Variants in SLC1A6 observed in about 807,000 individuals in gnomAD.
The protein encoded by SLC1A6 is solute carrier family 1 member 6.
In SLC1A6, 15 loss-of-function variants were observed where a neutral mutation model predicts 42.1. The ratio of observed to expected loss-of-function variants is 0.36; its 90% confidence interval spans 0.24 to 0.55. SLC1A6 has a LOEUF of 0.55. SLC1A6 is among the 20% of genes least tolerant of loss of function. The pLI is 0.88. For missense variants in SLC1A6, 542 were observed against 772.5 expected, an observed-to-expected ratio of 0.70 and a Z score of 3.54; for synonymous variants, 317 against 319.7, an observed-to-expected ratio of 0.99 and a Z score of 0.09.
chr19:14,951,662 G>A (rs10406718), intron 9 of SLC1A6, among the ~76,000 whole-genome samples: 95,808 of 151,572 alleles, frequency 0.63, 30,315 homozygotes, highest in South Asian at 0.67. Flanking sequence ...GATTATAGGC[G>A]CCCACCACTA....
chr19:14,961,141 A>G (rs2145177878), intron 6 of SLC1A6, among the ~76,000 whole-genome samples: 1 of 152,116 alleles, frequency 6.6e-6, no homozygotes, highest in East Asian at 1.9e-4. Context: ...TCCTGGGCTC[A>G]AGTGATTCTC....
rs1293280191 is a variant in SLC1A6 at position 14,971,706 on chromosome 19, T to C, written c.343+31A>G. The C allele has an allele frequency of 1.9e-6, 3 of 1,611,254 alleles. No homozygotes were observed. In the African/African-American group the frequency reaches 4.0e-5, roughly 22 times the overall value. ...TCAAGCTGAGGCTCTAGACGGGTCTTGGAGGCCAACACTGGCCTGGGCTCT... is the reference window on the plus strand; with the variant it reads ...TCAAGCTGAGGCTCTAGACGGGTCTCGGAGGCCAACACTGGCCTGGGCTCT... On this transcript the variant is annotated intron_variant, in intron 3 of 9. Coordinates refer to ENST00000594383, the MANE Select transcript of SLC1A6 (RefSeq NM_005071.3).
chr19:14,960,037 T>C (rs2045495261), intron 6 of SLC1A6, among the ~76,000 whole-genome samples: 1 of 152,088 alleles, frequency 6.6e-6, no homozygotes, highest in Admixed American at 6.6e-5. Flanking sequence ...ACTCCAGAGG[T>C]CAAGACAAAG....
chr19:14,979,082 A>G lies in SLC1A6; in HGVS notation c.-8+227T>C, dbSNP rs866722526. The stretch of plus-strand genomic sequence containing the variant: ...CACACACACACACACACACACACAC[A>G]CACACACACACACACTAATGCCCAG... On this transcript the variant is annotated intron_variant, in intron 1 of 9. Transcript: ENST00000594383. This position sits in a 1 kb window ranked among gnomAD's most constrained non-coding sequence, Gnocchi z 4.2. Among the ~76,000 whole-genome samples the G allele has an allele frequency of 3.6e-3, 547 of 151,484 alleles. 1 individual carries two copies. The highest frequency in any genetic ancestry group is 0.013 in the African/African-American group (516 of 41,246).
chr19:14,974,873 A>G (rs1370860259), intron 1 of SLC1A6: 1 of 151,648 alleles, frequency 6.6e-6, no homozygotes, highest in African/African-American at 2.4e-5. Context: ...AAGACCTGAG[A>G]CAGAATGTCG....
At chr19:14,999,174 G>C in intron 1 of SLC1A6, among the ~76,000 whole-genome samples, 1 of 152,074 alleles carries the variant, frequency 6.6e-6, no homozygotes, top group East Asian at 1.9e-4. Flanking sequence ...CACCATGCCC[G>C]GCCAAGAAAC....
At position 14,968,386 on chromosome 19, in the gene SLC1A6, G is replaced by A. The variant is rs760995484; in HGVS notation, c.465C>T (p.Pro155=). 3.0e-5 allele frequency: 48 copies of A among 1,613,746 alleles called. No individual in the cohort carries two copies. The African/African-American group carries it at 3.5e-4, about 12-fold the overall frequency. ...IGILMVTIIH[P]GKGSKEGLHR... ...GCAGCCCCTCCTTGGAGCCCTTCCC[G>A]GGATGGATGATGGTGACCATGAGGA... Residue 155 remains proline (P), a synonymous_variant, in exon 4 of 10, where the codon CCC becomes CCT. Coordinates refer to ENST00000594383, the MANE Select transcript of SLC1A6 (RefSeq NM_005071.3).
rs33972917 is a variant in SLC1A6 at position 15,008,844 on chromosome 19, G to GTT, written c.6+1639_6+1640dup. Among the ~76,000 whole-genome samples, 38 of 142,418 alleles carry GTT rather than the reference G, an allele frequency of 2.7e-4. 1 individual carries two copies. The highest frequency in any genetic ancestry group is 8.0e-4 in the African/African-American group (31 of 38,684). The allele number at this position is 142,418 out of a possible 152,430, so 93.4% of individuals were successfully genotyped here. A position where few individuals can be genotyped will look rare whatever the true frequency, so the allele number is the denominator to read the frequency against. On this transcript the variant is annotated intron_variant, in intron 1 of 8. Coordinates refer to the SLC1A6 transcript ENST00000430939. ...CACTAAAAAAACAAAAATAATTCGC[G>GTT]TTTTTTTTTTTTTTACAGGCAGGCA...
upstream of SLC1A6, among the ~76,000 whole-genome samples, chr19:14,983,719 CAAAAAAAAAAAAA>C (rs56657572): frequency 3.8e-5 from 2 of 52,304 alleles, no homozygotes; most frequent in South Asian, 8.2e-4. Flanking sequence ...ACAACAACAC[CAAAAAAAAAAAAA>C]AAAAAAAAAA....
chr19:14,976,426 T>C (rs927607022), intron 1 of SLC1A6, among the ~76,000 whole-genome samples: 1 of 152,228 alleles, frequency 6.6e-6, no homozygotes, highest in Non-Finnish European at 1.5e-5. Flanking sequence ...ATTATGTATA[T>C]CATGGAATAG....
chr19:14,954,359 G>T (rs2269914), intron 7 of SLC1A6, 30 bp from the exon 8 acceptor site: 279,874 of 1,593,334 alleles, frequency 0.18, 26,604 homozygotes, highest in South Asian at 0.24. Context: ...ACTGAGGATG[G>T]GGCGTGGCCT....
chr19:14,954,366 G>A, intron 7 of SLC1A6, 37 bp from the exon 8 acceptor site: 1 of 1,580,920 alleles, frequency 6.3e-7, no homozygotes, highest in Non-Finnish European at 8.6e-7. Context: ...ATGGGGCGTG[G>A]CCTGGTGGGG....
chr19:14,953,712 C>T (rs2045434335), intron 8 of SLC1A6, among the ~76,000 whole-genome samples: 1 of 152,094 alleles, frequency 6.6e-6, no homozygotes, highest in African/African-American at 2.4e-5. Flanking sequence ...ACGCTGAAGA[C>T]CTGAAGGAGA....
chr19:14,961,898 TA>T, intron 6 of SLC1A6, 103 bp downstream of exon 6: 1 of 1,492,714 alleles, frequency 6.7e-7, no homozygotes. Context: ...ACCCAATACG[TA>T]AATGAATGAC....
chr19:15,006,177 T>C (rs2045894941), intron 1 of SLC1A6, among the ~76,000 whole-genome samples: 2 of 152,230 alleles, frequency 1.3e-5, no homozygotes, highest in South Asian at 4.1e-4. Context: ...AAGCACTTCA[T>C]TCATATTAAC....
At chr19:15,008,719 T>G (rs2079250) in intron 1 of SLC1A6, among the ~76,000 whole-genome samples, 2 of 151,900 alleles carry the variant, frequency 1.3e-5, no homozygotes, top group African/African-American at 4.8e-5. Context: ...TGCGGTGATT[T>G]CCCCCTGTAA....
At chr19:14,989,484 C>T (rs1166683992) in intron 1 of SLC1A6, among the ~76,000 whole-genome samples, 2 of 151,858 alleles carry the variant, frequency 1.3e-5, no homozygotes, top group African/African-American at 4.8e-5. Flanking sequence ...TGGTCTTGAA[C>T]TCCCGACCTC....
At chr19:14,994,497 G>A (rs1266112776) in intron 1 of SLC1A6, among the ~76,000 whole-genome samples, 1 of 151,990 alleles carries the variant, frequency 6.6e-6, no homozygotes, top group East Asian at 1.9e-4. Flanking sequence ...ACCACACCTT[G>A]ACCCAACTCC....
intron 1 of SLC1A6, among the ~76,000 whole-genome samples, chr19:15,009,020 A>T (rs4808836): frequency 0.27 from 39,819 of 150,234 alleles, 5,745 homozygotes; most frequent in East Asian, 0.54. Context: ...TATATATATA[A>T]AATATACATA....
Sources: gnomAD v4.1 joint callset for allele counts (sites outside exome capture counted in the v4.1 genomes callset) on GRCh38, gnomAD v4.1.1 for gene constraint, Gnocchi (gnomAD v3.1) non-coding constraint, MANE v1.5 for transcripts, NCBI Gene and HGNC (gene_info 2026-07-23, HGNC 2026-07-21) for gene names.